RSPO4: variants seen among roughly 807,000 people sequenced by gnomAD.
The protein encoded by RSPO4 is R-spondin-4.
RSPO4 carries 23 observed loss-of-function variants against 24.8 expected under a neutral mutation model. The observed-to-expected ratio is 0.93, with a 90% confidence interval of 0.67 to 1.31. RSPO4 has a LOEUF of 1.31. Among genes scored for constraint, RSPO4 ranks in the 40% most tolerant of loss-of-function variants. RSPO4 has a pLI of 0.00. For missense variants in RSPO4, 333 were observed against 316.5 expected (o/e 1.05, Z -0.39); for synonymous variants, 141 against 127.4 (o/e 1.11, Z -0.72).
chr20:959,123 G>GGGGGAGTGTGGTGGTGGGTGT lies in RSPO4; in HGVS notation c.*1233_*1234insACACCCACCACCACACTCCCC, dbSNP rs1369993400. 13 of 141,140 alleles carry GGGGGAGTGTGGTGGTGGGTGT rather than the reference G, an allele frequency of 9.2e-5. No individual in the cohort carries two copies. The highest frequency in any genetic ancestry group is 3.3e-4 in the African/African-American group (12 of 36,648). 8.7% of individuals were successfully genotyped at this position (141,140 alleles called of 1,614,324 possible). A position where few individuals can be genotyped will look rare whatever the true frequency, so the allele number is the denominator to read the frequency against. The stretch of plus-strand genomic sequence containing the variant: ...TGTGGGGGAGTGTGGTGGTGGGTGT[G>GGGGGAGTGTGGTGGTGGGTGT]GGGCAGTGTGGTGGTGGGTGTGGGC... On this transcript the variant is annotated 3_prime_UTR_variant, in exon 5 of 5. Coordinates refer to ENST00000217260, the MANE Select transcript of RSPO4 (RefSeq NM_001029871.4).
rs1352122638 is a variant in RSPO4, at chr20:960,193, AAG to A, written c.*162_*163del. 2 of 603,652 alleles carry A rather than the reference AAG, an allele frequency of 3.3e-6. No individual in the cohort carries two copies. The highest frequency in any genetic ancestry group is 5.9e-6 in the Non-Finnish European group (2 of 339,522). 37.4% of individuals were successfully genotyped at this position (603,652 alleles called of 1,614,324 possible). A position where few individuals can be genotyped will look rare whatever the true frequency, so the allele number is the denominator to read the frequency against. On this transcript the variant is annotated 3_prime_UTR_variant, in exon 5 of 5. Coordinates refer to ENST00000217260, the MANE Select transcript of RSPO4 (RefSeq NM_001029871.4). The stretch of plus-strand genomic sequence containing the variant: ...AGAAATAAAGGAAATAAAAAAGAAA[AAG>A]AAAGGGAAGGTAGACTGACAGAAAA...
At chr20:974,568 T>C (rs947112250) in intron 1 of RSPO4, among the ~76,000 whole-genome samples, 2 of 152,232 alleles carry the variant, frequency 1.3e-5, no homozygotes, top group African/African-American at 4.8e-5. Flanking sequence ...AATCAGAGCA[T>C]CAGGTCCCCT....
rs1984386544 is a variant in RSPO4, at chr20:970,944, G to A, written c.80-2806C>T. On this transcript the variant is annotated intron_variant, in intron 1 of 4. Coordinates refer to ENST00000217260, the MANE Select transcript of RSPO4 (RefSeq NM_001029871.4). The surrounding 1 kb of genome is among the most constrained non-coding windows in gnomAD (Gnocchi z 4.1). ...TGCAGCCTCAAATTCCTGGGCTCAAGCAATCCTCCTGCCTCAGCCTCCTAA... is the reference window on the plus strand; with the variant it reads ...TGCAGCCTCAAATTCCTGGGCTCAAACAATCCTCCTGCCTCAGCCTCCTAA... Among the ~76,000 whole-genome samples the A allele has an allele frequency of 6.6e-6, 1 of 152,206 alleles. No individual in the cohort carries two copies. Among genetic ancestry groups the A allele is most frequent in the South Asian group, 2.1e-4 (1 of 4,832 alleles).
chr20:960,506 G>GACCTAACTGGCCCT, intron 4 of RSPO4, 40 bp from the exon 5 acceptor site: 1 of 1,436,692 alleles, frequency 7.0e-7, no homozygotes, highest in Non-Finnish European at 9.5e-7. Flanking sequence ...AAGGCTGCAG[G>GACCTAACTGGCCCT]GCCAGTTAGG....
chr20:992,263 CTTTT>C (rs35286852), intron 1 of RSPO4, among the ~76,000 whole-genome samples: 2,553 of 123,472 alleles, frequency 0.021, 72 homozygotes, highest in African/African-American at 0.08. Context: ...GGTCCACTTT[CTTTT>C]TTTTTTTTTT....
At chr20:984,856 C>T (rs1339289618) in intron 1 of RSPO4, among the ~76,000 whole-genome samples, 3 of 152,082 alleles carry the variant, frequency 2.0e-5, no homozygotes, top group Non-Finnish European at 4.4e-5. Context: ...TCCATCCATC[C>T]ATCCACCCAC....
At chr20:997,830 G>C (rs916361651) in intron 1 of RSPO4, among the ~76,000 whole-genome samples, 17 of 152,328 alleles carry the variant, frequency 1.1e-4, no homozygotes, top group African/African-American at 4.1e-4. Context: ...AGCTCAGAGA[G>C]AGGAGAAGGT....
intron 3 of RSPO4, among the ~76,000 whole-genome samples, chr20:965,838 T>A (rs1984178035): frequency 6.6e-6 from 1 of 152,194 alleles, no homozygotes; most frequent in Admixed American, 6.5e-5. Context: ...GTGCAGAGGC[T>A]TTGTCTGTTT....
intron 1 of RSPO4, among the ~76,000 whole-genome samples, chr20:995,984 A>C (rs1462320700): frequency 6.6e-6 from 1 of 152,232 alleles, no homozygotes. Flanking sequence ...CACATTTCTC[A>C]AAATAATAGT....
chr20:991,068 G>A (rs1484614947), intron 1 of RSPO4, among the ~76,000 whole-genome samples: 2 of 152,232 alleles, frequency 1.3e-5, no homozygotes, highest in African/African-American at 4.8e-5. Context: ...GTCCAATGTT[G>A]AGGAGTAGCA....
intron 1 of RSPO4, among the ~76,000 whole-genome samples, chr20:984,482 A>T (rs567717376): frequency 9.9e-5 from 15 of 152,198 alleles, no homozygotes; most frequent in Non-Finnish European, 2.1e-4. Flanking sequence ...TGTCCCTGCC[A>T]GTGTTCCTGG....
intron 1 of RSPO4, among the ~76,000 whole-genome samples, chr20:971,272 T>C (rs1984398692): frequency 1.3e-5 from 2 of 152,280 alleles, no homozygotes; most frequent in African/African-American, 4.8e-5. Context: ...CCACCCCTGG[T>C]ACGTCTGATT....
chr20:993,059 T>C (rs1569817), intron 1 of RSPO4, among the ~76,000 whole-genome samples: 16,591 of 152,204 alleles, frequency 0.11, 1,410 homozygotes, highest in African/African-American at 0.24. Flanking sequence ...GTCTCCACCC[T>C]GGCGGATGTG....
At chr20:976,350 T>C (rs1984558858) in intron 1 of RSPO4, among the ~76,000 whole-genome samples, 2 of 152,178 alleles carry the variant, frequency 1.3e-5, no homozygotes, top group Non-Finnish European at 2.9e-5. Context: ...GGACATGGTC[T>C]TTTGCCCTCT....
intron 1 of RSPO4, among the ~76,000 whole-genome samples, chr20:982,283 C>T (rs180898543): frequency 2.0e-5 from 3 of 152,096 alleles, no homozygotes; most frequent in Non-Finnish European, 2.9e-5. Context: ...CCAATCTGTC[C>T]GTGGAGTTGT....
rs188281610 is a variant in RSPO4 at position 960,482 on chromosome 20, A to T, written c.596-16T>A. On this transcript the variant is annotated splice_polypyrimidine_tract_variant and intron_variant, in intron 4 of 4. Transcript: ENST00000217260. ...GGGCTCCTCTCTGCAATGAGAGGAC[A>T]GAGCCCGGTGACCAAGGCTGCAGGG... 257 of 1,526,130 alleles carry T rather than the reference A, an allele frequency of 1.7e-4. 2 individuals carry two copies. Among genetic ancestry groups the T allele is most frequent in the Non-Finnish European group, 3.7e-5 (42 of 1,135,576 alleles). The allele number at this position is 1,526,130 out of a possible 1,614,324, so 94.5% of individuals were successfully genotyped here.
intron 4 of RSPO4, among the ~76,000 whole-genome samples, chr20:963,125 T>G (rs1286646550): frequency 6.6e-6 from 1 of 152,204 alleles, no homozygotes; most frequent in Non-Finnish European, 1.5e-5. Flanking sequence ...TGGTCTTGAA[T>G]GGCACAGTGA....
intron 1 of RSPO4, among the ~76,000 whole-genome samples, chr20:973,577 G>A (rs976161020): frequency 1.3e-5 from 2 of 152,150 alleles, no homozygotes; most frequent in Non-Finnish European, 2.9e-5. Context: ...AGGTTCAAAC[G>A]ATTCTCGTGC....
intron 1 of RSPO4, among the ~76,000 whole-genome samples, chr20:987,185 C>A (rs1164902248): frequency 6.6e-6 from 1 of 152,174 alleles, no homozygotes; most frequent in Non-Finnish European, 1.5e-5. Context: ...GCCAGCTGGT[C>A]CTCTCTGTCT....
Sources: allele counts gnomAD v4.1 joint callset (sites outside exome capture counted in the v4.1 genomes callset), GRCh38; gene constraint gnomAD v4.1.1; non-coding constraint Gnocchi (gnomAD v3.1); transcripts MANE v1.5; gene names NCBI Gene and HGNC (gene_info 2026-07-23, HGNC 2026-07-21).